The following RERE variants were observed in gnomAD, a reference collection of about 807,000 sequenced individuals.
The protein encoded by RERE is arginine-glutamic acid dipeptide repeats protein.
RERE carries 40 observed loss-of-function variants against 146.1 expected under a neutral mutation model. That is an observed-to-expected ratio of 0.27 (90% CI 0.21 to 0.36). The LOEUF is 0.36. Among genes scored for constraint, RERE ranks in the 10% least tolerant of loss-of-function variants. RERE has a pLI of 1.00. For missense variants in RERE, 1,933 were observed against 2,138.7 expected (o/e 0.90, Z 1.90); for synonymous variants, 1,003 against 866.0 (o/e 1.16, Z -2.78).
chr1:8,577,302 C>T (rs1254320412), intron 4 of RERE, among the ~76,000 whole-genome samples: 1 of 151,350 alleles, frequency 6.6e-6, no homozygotes, highest in East Asian at 1.9e-4. Flanking sequence ...TAGGCCTTTG[C>T]TCTCTCTCTC....
intron 1 of RERE, among the ~76,000 whole-genome samples, chr1:8,659,913 G>C (rs1308558604): frequency 6.6e-6 from 1 of 152,058 alleles, no homozygotes; most frequent in Admixed American, 6.5e-5. Flanking sequence ...CCAAAAGTGA[G>C]CAAGAAAGTT....
At chr1:8,551,169 G>A (rs1269597867) in intron 6 of RERE, among the ~76,000 whole-genome samples, 1 of 152,124 alleles carries the variant, frequency 6.6e-6, no homozygotes, top group Admixed American at 6.5e-5. Flanking sequence ...CAGGTAATCA[G>A]AAAGCTGGAA....
At chr1:8,424,952 G>C (rs1041073096) in intron 11 of RERE, 1 of 152,354 alleles carries the variant, frequency 6.6e-6, no homozygotes, top group Non-Finnish European at 1.5e-5. Flanking sequence ...CAGATAAGAC[G>C]AAAGAGGCAG....
intron 4 of RERE, among the ~76,000 whole-genome samples, chr1:8,562,918 CA>C (rs763661222): frequency 2.0e-5 from 3 of 152,082 alleles, no homozygotes; most frequent in Non-Finnish European, 4.4e-5. Flanking sequence ...AGCAGAATAG[CA>C]AAGATTTCTA....
In RERE at chr1:8,656,310, G is replaced by T. The variant is rs1332746967; in HGVS notation, c.-13C>A. ...TGTCCGCTGTCATGATTCGCCACGT[G>T]CCTTCTTCTGTCCTCTCACGGCTAG... is the stretch of plus-strand genomic sequence containing the variant. On this transcript the variant is annotated 5_prime_UTR_variant, in exon 2 of 23. Coordinates refer to ENST00000400908, the MANE Select transcript of RERE (RefSeq NM_001042681.2). 3.7e-6 allele frequency: 6 copies of T among 1,610,184 alleles called. 1 individual carries two copies.
intron 7 of RERE, among the ~76,000 whole-genome samples, chr1:8,516,248 A>AAAAAAAAAAAAAAAC (rs1243387881): frequency 6.6e-6 from 1 of 150,578 alleles, no homozygotes; most frequent in African/African-American, 2.4e-5. Flanking sequence ...AAAAAAAAAA[A>AAAAAAAAAAAAAAAC]ATCTAGGTGT....
chr1:8,794,264 T>C (rs2124580141), intron 1 of RERE, among the ~76,000 whole-genome samples: 1 of 139,928 alleles, frequency 7.1e-6, no homozygotes, highest in African/African-American at 2.7e-5. Context: ...TCCCAGCTAC[T>C]CCGGAGGCTG....
chr1:8,481,208 C>T (rs1037492329), intron 10 of RERE, among the ~76,000 whole-genome samples: 1 of 152,166 alleles, frequency 6.6e-6, no homozygotes. Flanking sequence ...CCTCCACCTC[C>T]TGGGTTCAAG....
intron 4 of RERE, among the ~76,000 whole-genome samples, chr1:8,594,989 T>A (rs1392383336): frequency 6.6e-6 from 1 of 152,078 alleles, no homozygotes; most frequent in East Asian, 1.9e-4. Context: ...TGAGACTTCA[T>A]CTCTACAAAA....
At chr1:8,677,972 T>C (rs373057095) in intron 1 of RERE, among the ~76,000 whole-genome samples, 2 of 152,174 alleles carry the variant, frequency 1.3e-5, no homozygotes, top group South Asian at 2.1e-4. Context: ...ACTATTTGTT[T>C]GTATTGCTTA....
rs1021579620 is a variant in RERE, at chr1:8,356,636, C to A, written c.4340-390G>T. On this transcript the variant is annotated intron_variant, in intron 20 of 22. Transcript: ENST00000400908. This position sits in a 1 kb window ranked among gnomAD's most constrained non-coding sequence, Gnocchi z 5.2. ...TGCGCCAGTGGGTGTTGGGCTGGCACCCCCTGCCCAGGGCTGTCTCCCTGC... is the reference window on the plus strand; with the variant it reads ...TGCGCCAGTGGGTGTTGGGCTGGCAACCCCTGCCCAGGGCTGTCTCCCTGC... 3.3e-5 allele frequency among the ~76,000 whole-genome samples: 5 copies of A among 152,190 alleles called. No individual in the cohort carries two copies. Among genetic ancestry groups the A allele is most frequent in the Non-Finnish European group, 5.9e-5 (4 of 68,028 alleles).
At chr1:8,552,100 A>G (rs762270894) in intron 6 of RERE, among the ~76,000 whole-genome samples, 32 of 152,380 alleles carry the variant, frequency 2.1e-4, no homozygotes, top group Non-Finnish European at 3.5e-4. Context: ...CATTTCTACA[A>G]CTGCGAAGGG....
chr1:8,651,503 G>C (rs1464601726), intron 2 of RERE, among the ~76,000 whole-genome samples: 1 of 152,116 alleles, frequency 6.6e-6, no homozygotes, highest in African/African-American at 2.4e-5. Context: ...CAGGATCTCT[G>C]CAAGTGGGTG....
At chr1:8,641,158 C>T (rs1647171017) in intron 2 of RERE, among the ~76,000 whole-genome samples, 1 of 152,158 alleles carries the variant, frequency 6.6e-6, no homozygotes, top group Admixed American at 6.5e-5. Flanking sequence ...AAATACAAGC[C>T]AATCTCTGTC....
chr1:8,501,032 G>GT (rs1491536673), intron 8 of RERE, among the ~76,000 whole-genome samples: 3 of 53,294 alleles, frequency 5.6e-5, no homozygotes, highest in Non-Finnish European at 1.0e-4. Context: ...CCGTCCGGGA[G>GT]GGGGGGGGGG....
In RERE at chr1:8,716,090, A is replaced by T. The variant is rs1639758873; in HGVS notation, c.-144-59649T>A. ...AGCCATGGAGGGCGAAGCTGCAGTG[A>T]ACAGTGATCAAGCCACTGCACTCCT... is the stretch of plus-strand genomic sequence containing the variant. On this transcript the variant is annotated intron_variant, in intron 1 of 22. Coordinates refer to ENST00000400908, the MANE Select transcript of RERE (RefSeq NM_001042681.2). 2.6e-5 allele frequency among the ~76,000 whole-genome samples: 4 copies of T among 151,720 alleles called. No individual in the cohort carries two copies. The South Asian group carries it at 8.3e-4, about 32-fold the overall frequency.
Position 8,358,784 on chromosome 1 carries a change from G to A in RERE, c.3751C>T (p.Pro1251Ser). Residue 1251 changes from proline (P) to serine (S), a missense_variant, in exon 20 of 23, where the codon CCT (proline) becomes TCT (serine). This residue lies in a region of RERE where 1,255 missense variants were observed against 1,153.8 expected (regional missense o/e 1.09). Transcript: ENST00000400908. ...AVPPYIGPDT[P>S]ALRTLSEYAR... ...TACTCGCTCAGAGTCCGAAGGGCAG[G>A]TGTGTCGGGCCCGATGTAGGGGGGC... 1 of 1,612,936 alleles carries A rather than the reference G, an allele frequency of 6.2e-7. No homozygotes were observed. The highest frequency in any genetic ancestry group is 8.5e-7 in the Non-Finnish European group (1 of 1,179,476).
At chr1:8,711,157 C>CAAAAAAAAAAAAAA (rs57814312) in intron 1 of RERE, among the ~76,000 whole-genome samples, 2 of 68,248 alleles carry the variant, frequency 2.9e-5, no homozygotes, top group African/African-American at 6.2e-5. Context: ...ACTCTGTCTC[C>CAAAAAAAAAAAAAA]AAAAAAAAAA....
At chr1:8,774,116 A>C (rs1339492468) in intron 1 of RERE, among the ~76,000 whole-genome samples, 1 of 152,000 alleles carries the variant, frequency 6.6e-6, no homozygotes, top group African/African-American at 2.4e-5. Flanking sequence ...CACGCAGCCA[A>C]ACTTGCTCTA....
Sources: allele counts gnomAD v4.1 joint callset (sites outside exome capture counted in the v4.1 genomes callset), GRCh38; gene constraint gnomAD v4.1.1; regional missense constraint gnomAD v4.1.1; non-coding constraint Gnocchi (gnomAD v3.1); transcripts MANE v1.5; gene names NCBI Gene and HGNC (gene_info 2026-07-23, HGNC 2026-07-21).